CFAP61: variants seen among roughly 807,000 people sequenced by gnomAD.
The protein encoded by CFAP61 is cilia- and flagella-associated protein 61.
CFAP61 carries 107 observed loss-of-function variants against 135.6 expected under a neutral mutation model. The ratio of observed to expected loss-of-function variants is 0.79; its 90% CI spans 0.67 to 0.93. The LOEUF is 0.93. CFAP61 is among the 40% of genes least tolerant of loss of function. The pLI is 0.00. For synonymous variants in CFAP61, 575 were observed against 578.5 expected, an observed-to-expected ratio of 0.99 and a Z score of 0.09; for missense variants, 1,507 against 1,556.2, an observed-to-expected ratio of 0.97 and a Z score of 0.53.
rs764805327 is a variant in CFAP61, at chr20:20,288,941, A to G, written c.3124+5A>G. ...ACAAGGGAGCCAAGATTCAAGGTAT[A>G]CGAGTAGGCTTCCTTCTCCTTGATG... On this transcript the variant is annotated splice_donor_5th_base_variant and intron_variant, in intron 23 of 26. Transcript: ENST00000245957. 16 of 1,598,614 alleles carry G rather than the reference A, an allele frequency of 1.0e-5. No individual in the cohort carries two copies. In the African/African-American group the frequency reaches 2.1e-4, roughly 21 times the overall value.
chr20:20,317,357 C>G (rs940681409), intron 25 of CFAP61, among the ~76,000 whole-genome samples: 2 of 152,182 alleles, frequency 1.3e-5, no homozygotes, highest in Non-Finnish European at 2.9e-5. Flanking sequence ...TCTCTCTGCC[C>G]TGGGATTGCA....
intron 20 of CFAP61, 35 bp downstream of exon 20, chr20:20,251,798 C>T: frequency 6.2e-7 from 1 of 1,603,710 alleles, no homozygotes; most frequent in Non-Finnish European, 8.5e-7. Flanking sequence ...AGCCACGTGT[C>T]TGGAGAGCTC....
chr20:20,109,409 T>C (rs2048638749), intron 8 of CFAP61, among the ~76,000 whole-genome samples: 1 of 152,194 alleles, frequency 6.6e-6, no homozygotes. Flanking sequence ...CCACCACAGG[T>C]ACTTGAGGCT....
chr20:20,081,632 C>T (rs1434859502), intron 6 of CFAP61, among the ~76,000 whole-genome samples: 1 of 152,120 alleles, frequency 6.6e-6, no homozygotes, highest in Non-Finnish European at 1.5e-5. Context: ...GTTTGGTCTC[C>T]CTTTCTGCCT....
chr20:20,256,415 C>T (rs1400510963), intron 20 of CFAP61, among the ~76,000 whole-genome samples: 1 of 151,804 alleles, frequency 6.6e-6, no homozygotes, highest in Non-Finnish European at 1.5e-5. Context: ...CACACACACA[C>T]ACACACACAC....
At chr20:20,206,638 A>G (rs2056868751) in intron 17 of CFAP61, among the ~76,000 whole-genome samples, 1 of 152,012 alleles carries the variant, frequency 6.6e-6, no homozygotes, top group Non-Finnish European at 1.5e-5. Flanking sequence ...GGATAATACT[A>G]TATTTTATTT....
At chr20:20,311,096 A>G (rs976554423) in intron 25 of CFAP61, among the ~76,000 whole-genome samples, 3 of 152,208 alleles carry the variant, frequency 2.0e-5, no homozygotes, top group Non-Finnish European at 2.9e-5. Context: ...AAATCATGCT[A>G]CACAGTATCT....
intron 8 of CFAP61, among the ~76,000 whole-genome samples, chr20:20,115,959 A>C (rs1330613267): frequency 6.6e-6 from 1 of 152,208 alleles, no homozygotes; most frequent in Non-Finnish European, 1.5e-5. Flanking sequence ...TATACCTAGC[A>C]CTGAGATTGC....
At chr20:20,260,191 T>C (rs1430038944) in intron 20 of CFAP61, among the ~76,000 whole-genome samples, 1 of 152,242 alleles carries the variant, frequency 6.6e-6, no homozygotes. Flanking sequence ...GAAAACAGTA[T>C]GTGATGAACC....
At chr20:20,191,772 C>G (rs933201891) in intron 15 of CFAP61, among the ~76,000 whole-genome samples, 1 of 150,778 alleles carries the variant, frequency 6.6e-6, no homozygotes, top group Non-Finnish European at 1.5e-5. Context: ...CTTCTTTGCA[C>G]TTTATTACAT....
intron 24 of CFAP61, among the ~76,000 whole-genome samples, chr20:20,296,356 T>TTCC (rs2055580003): frequency 2.0e-5 from 1 of 49,574 alleles, no homozygotes; most frequent in African/African-American, 7.8e-5. Flanking sequence ...TCCTTCCTTC[T>TTCC]TTCCTTTCTT....
chr20:20,352,360 C>T (rs1203438647), intron 26 of CFAP61, among the ~76,000 whole-genome samples: 1 of 152,176 alleles, frequency 6.6e-6, no homozygotes, highest in Non-Finnish European at 1.5e-5. Context: ...TAGTTCTCAG[C>T]ATAGTTCGCC....
intron 24 of CFAP61, among the ~76,000 whole-genome samples, chr20:20,295,696 G>A (rs953531479): frequency 9.2e-5 from 14 of 151,968 alleles, no homozygotes; most frequent in Non-Finnish European, 2.9e-5. Context: ...GAATATCCTG[G>A]GCCATCAGGT....
intron 25 of CFAP61, among the ~76,000 whole-genome samples, chr20:20,302,257 C>T (rs1824765880): frequency 6.6e-6 from 1 of 152,126 alleles, no homozygotes; most frequent in Non-Finnish European, 1.5e-5. Context: ...TTTAGATTTT[C>T]CGAGTAGAAA....
intron 22 of CFAP61, among the ~76,000 whole-genome samples, chr20:20,281,225 A>C (rs1219178178): frequency 6.6e-6 from 1 of 152,166 alleles, no homozygotes; most frequent in East Asian, 1.9e-4. Flanking sequence ...TCTGATATTT[A>C]GGTCTTTTAT....
intron 8 of CFAP61, among the ~76,000 whole-genome samples, chr20:20,134,892 G>T (rs2050801870): frequency 6.6e-6 from 1 of 151,968 alleles, no homozygotes; most frequent in Non-Finnish European, 1.5e-5. Flanking sequence ...GTCAGCCACA[G>T]GTGCCTATTA....
intron 2 of CFAP61, among the ~76,000 whole-genome samples, chr20:20,070,571 T>C (rs781379113): frequency 3.9e-5 from 6 of 152,190 alleles, no homozygotes; most frequent in Non-Finnish European, 7.3e-5. Flanking sequence ...TAGTCAAATA[T>C]CTTCCTAGTC....
At chr20:20,322,962 T>C (rs2057589381) in intron 25 of CFAP61, 4 of 985,414 alleles carry the variant, frequency 4.1e-6, no homozygotes, top group African/African-American at 1.7e-5. Context: ...GGGTTGAGAC[T>C]GTTAAAGTTA....
At chr20:20,244,013 C>G (rs2050229591) in intron 18 of CFAP61, among the ~76,000 whole-genome samples, 1 of 152,222 alleles carries the variant, frequency 6.6e-6, no homozygotes, top group Admixed American at 6.5e-5. Context: ...GGCTCCATGT[C>G]TCATATCCAG....
Sources: allele counts gnomAD v4.1 joint callset (sites outside exome capture counted in the v4.1 genomes callset), GRCh38; gene constraint gnomAD v4.1.1; transcripts MANE v1.5; gene names NCBI Gene and HGNC (gene_info 2026-07-23, HGNC 2026-07-21).